The following SKIC3 variants were observed in gnomAD, a reference collection of about 807,000 sequenced individuals.
The protein encoded by SKIC3 is superkiller complex protein 3.
chr5:95,502,015 G>C, the SKIC3 span, among the ~76,000 whole-genome samples: 1 of 152,082 alleles, frequency 6.6e-6, no homozygotes, highest in African/African-American at 2.4e-5. Flanking sequence ...GACTGTAATG[G>C]CACAGGATAG....
At chr5:95,512,440 G>C in the SKIC3 span, 3 of 1,590,674 alleles carry the variant, frequency 1.9e-6, no homozygotes, top group Non-Finnish European at 2.6e-6. Flanking sequence ...TTCAATAGTT[G>C]CTCAAATATC....
At chr5:95,524,563 C>G in the SKIC3 span, 1 of 1,613,630 alleles carries the variant, frequency 6.2e-7, no homozygotes, top group Non-Finnish European at 8.5e-7. Context: ...TCTGCAACTT[C>G]GGTATCTTTC....
At chr5:95,494,775 C>T in the SKIC3 span, 6 of 1,613,718 alleles carry the variant, frequency 3.7e-6, no homozygotes, top group Non-Finnish European at 5.1e-6. Flanking sequence ...TGATTTACCG[C>T]AGTGTACAGT....
At chr5:95,517,704 C>A in the SKIC3 span, among the ~76,000 whole-genome samples, 1 of 152,110 alleles carries the variant, frequency 6.6e-6, no homozygotes. Context: ...AACTCTCTTA[C>A]AACTGACAGT....
the SKIC3 span, among the ~76,000 whole-genome samples, chr5:95,495,991 C>A: frequency 6.6e-6 from 1 of 151,358 alleles, no homozygotes; most frequent in Non-Finnish European, 1.5e-5. Context: ...GCCGCTTCTG[C>A]CATTTGCAAA....
chr5:95,524,526 T>C, the SKIC3 span: 1 of 1,613,848 alleles, frequency 6.2e-7, no homozygotes, highest in Non-Finnish European at 8.5e-7. Context: ...CATGAACCAG[T>C]ATGTTAATCC....
chr5:95,528,806 A>T, the SKIC3 span: 15 of 588,440 alleles, frequency 2.5e-5, no homozygotes, highest in Non-Finnish European at 6.1e-6. Context: ...CTAAACATTC[A>T]TTGTCAGTTT....
the SKIC3 span, among the ~76,000 whole-genome samples, chr5:95,511,065 T>C: frequency 6.6e-6 from 1 of 152,206 alleles, no homozygotes; most frequent in Non-Finnish European, 1.5e-5. Flanking sequence ...TCAAAGTTAT[T>C]CTTGAAAAAT....
chr5:95,479,715 A>G, the SKIC3 span, among the ~76,000 whole-genome samples: 2 of 144,048 alleles, frequency 1.4e-5, no homozygotes, highest in South Asian at 2.3e-4. Context: ...GTGTGTGTGT[A>G]TAGTTCATTA....
chr5:95,474,912 AATTGT>A, the SKIC3 span, among the ~76,000 whole-genome samples: 1 of 152,170 alleles, frequency 6.6e-6, no homozygotes, highest in Admixed American at 6.5e-5. Context: ...TAACGCTTCC[AATTGT>A]ATTATGAAAT....
chr5:95,496,056 C>T, the SKIC3 span, among the ~76,000 whole-genome samples: 2 of 151,490 alleles, frequency 1.3e-5, no homozygotes, highest in South Asian at 2.1e-4. Flanking sequence ...CTTGCCCTGT[C>T]ACCCAGGATG....
chr5:95,523,523 AGGC>A, the SKIC3 span: 1 of 1,247,738 alleles, frequency 8.0e-7, no homozygotes, highest in Non-Finnish European at 1.1e-6. Context: ...TCACTTACAG[AGGC>A]AAAAATATTT....
the SKIC3 span, chr5:95,506,893 ACAAT>A: frequency 1.9e-6 from 3 of 1,597,306 alleles, no homozygotes; most frequent in East Asian, 2.2e-5. Context: ...CCAGAAAAAT[ACAAT>A]CAATTGACAG....
chr5:95,465,110 T>G, the SKIC3 span, among the ~76,000 whole-genome samples: 1 of 151,840 alleles, frequency 6.6e-6, no homozygotes, highest in Non-Finnish European at 1.5e-5. Flanking sequence ...GTATTTTTAG[T>G]AGAGATGGGG....
At chr5:95,489,778 T>TA in the SKIC3 span, among the ~76,000 whole-genome samples, 2 of 152,192 alleles carry the variant, frequency 1.3e-5, no homozygotes, top group Non-Finnish European at 2.9e-5. Context: ...TCAATGCGGA[T>TA]AAAAAATAAA....
the SKIC3 span, chr5:95,543,334 TA>T: frequency 5.6e-6 from 9 of 1,613,196 alleles, no homozygotes; most frequent in Non-Finnish European, 7.6e-6. Context: ...CTGTCTGATT[TA>T]AAAAAAATTA....
At chr5:95,534,309 A>T in the SKIC3 span, among the ~76,000 whole-genome samples, 1 of 151,774 alleles carries the variant, frequency 6.6e-6, no homozygotes, top group Non-Finnish European at 1.5e-5. Context: ...TCATAATGTT[A>T]ACTATCTCAC....
chr5:95,467,240 G>A, the SKIC3 span, among the ~76,000 whole-genome samples: 1 of 151,988 alleles, frequency 6.6e-6, no homozygotes, highest in Non-Finnish European at 1.5e-5. Flanking sequence ...ACTTAAAAAA[G>A]CTTATAGGAA....
chr5:95,503,843 A>G, the SKIC3 span: 12 of 1,613,976 alleles, frequency 7.4e-6, no homozygotes, highest in Non-Finnish European at 1.0e-5. Context: ...AAGCCCCTTC[A>G]TGAATAAAGC....
Sources: allele counts gnomAD v4.1 joint callset (sites outside exome capture counted in the v4.1 genomes callset), GRCh38; gene constraint gnomAD v4.1.1; transcripts MANE v1.5; gene names NCBI Gene and HGNC (gene_info 2026-07-23, HGNC 2026-07-21).